Variants in TERB1 observed in about 807,000 individuals in gnomAD.
TERB1 encodes the protein telomere repeat binding bouquet formation protein 1, also known as telomere repeats-binding bouquet formation protein 1.
In TERB1, 63 loss-of-function variants were observed where a neutral mutation model predicts 92.3. The ratio of observed to expected loss-of-function variants is 0.68; its 90% CI spans 0.56 to 0.84. The LOEUF is 0.84. Among genes scored for constraint, TERB1 ranks in the 40% least tolerant of loss-of-function variants. TERB1 has a pLI of 0.00. For missense variants in TERB1, 709 were observed against 843.7 expected (o/e 0.84, Z 1.98); for synonymous variants, 252 against 283.9 (o/e 0.89, Z 1.13).
At chr16:66,797,675 C>T (rs1363298863) in intron 2 of TERB1, among the ~76,000 whole-genome samples, 1 of 143,886 alleles carries the variant, frequency 6.9e-6, no homozygotes, top group Non-Finnish European at 1.5e-5. Context: ...TTTAGATTGG[C>T]CTTTCTCTTC....
In TERB1 at chr16:66,796,818, C is replaced by G. The variant is rs933064437; in HGVS notation, c.-20G>C. On this transcript the variant is annotated 5_prime_UTR_variant, in exon 3 of 19. Coordinates refer to ENST00000433154, the MANE Select transcript of TERB1 (RefSeq NM_001136505.2). ...TTCCATGCTTGTCTATATTCTTTTT[C>G]CTTATATTTTGTCTATAAGATAAAG... 3.3e-6 allele frequency: 5 copies of G among 1,496,626 alleles called. No homozygotes were observed. Among genetic ancestry groups the G allele is most frequent in the Admixed American group, 2.0e-5 (1 of 50,536 alleles). The allele number at this position is 1,496,626 out of a possible 1,614,324, so 92.7% of individuals were successfully genotyped here.
At chr16:66,767,249 G>T (rs1341307181) in intron 16 of TERB1, among the ~76,000 whole-genome samples, 166 bp downstream of exon 16, 2 of 151,330 alleles carry the variant, frequency 1.3e-5, no homozygotes, top group Non-Finnish European at 2.9e-5. Flanking sequence ...TGAGGCACAA[G>T]AATTACTTGA....
chr16:66,782,373 A>T (rs2018651196), intron 9 of TERB1, among the ~76,000 whole-genome samples: 1 of 152,072 alleles, frequency 6.6e-6, no homozygotes, highest in South Asian at 2.1e-4. Flanking sequence ...AACATGGTGA[A>T]ACCCCATCTC....
chr16:66,776,665 G>A (rs1367404569), intron 11 of TERB1, among the ~76,000 whole-genome samples: 1 of 151,896 alleles, frequency 6.6e-6, no homozygotes, highest in Non-Finnish European at 1.5e-5. Context: ...GAGAGAATTG[G>A]TAAGAAGGAG....
intron 5 of TERB1, among the ~76,000 whole-genome samples, chr16:66,789,122 C>CTT (rs971595078): frequency 1.1e-4 from 17 of 148,014 alleles, no homozygotes; most frequent in African/African-American, 4.0e-4. Flanking sequence ...TTTAAAATAA[C>CTT]TAAAGAGTAT....
chr16:66,758,944 TTAGA>T (rs1055449021), intron 17 of TERB1, 106 bp from the exon 18 acceptor site: 5 of 940,416 alleles, frequency 5.3e-6, no homozygotes, highest in African/African-American at 3.4e-5. Flanking sequence ...GTGGGAATAC[TTAGA>T]TAGATTAGGA....
At chr16:66,791,113 G>T in intron 3 of TERB1, 94 bp from the exon 4 acceptor site, 1 of 594,226 alleles carries the variant, frequency 1.7e-6, no homozygotes, top group Non-Finnish European at 2.8e-6. Flanking sequence ...TCTTTGGAAT[G>T]GTCAACTTTT....
chr16:66,761,109 CAA>C (rs34199990), intron 16 of TERB1, among the ~76,000 whole-genome samples: 4 of 71,128 alleles, frequency 5.6e-5, no homozygotes, highest in African/African-American at 6.2e-5. Flanking sequence ...GACTCCACCT[CAA>C]AAAAAAAAAA....
intron 9 of TERB1, 25 bp from the exon 10 acceptor site, chr16:66,779,040 A>G: frequency 6.9e-7 from 1 of 1,441,018 alleles, no homozygotes; most frequent in Non-Finnish European, 9.3e-7. Flanking sequence ...TAGCAAAACT[A>G]TTAATATTTC....
intron 13 of TERB1, among the ~76,000 whole-genome samples, chr16:66,771,601 G>A (rs767161185): frequency 1.2e-4 from 18 of 149,950 alleles, no homozygotes; most frequent in African/African-American, 2.2e-4. Context: ...TGAACTGTAC[G>A]GTATGTGAAT....
chr16:66,798,182 CTTT>C (rs10653807), intron 2 of TERB1, among the ~76,000 whole-genome samples: 1 of 143,064 alleles, frequency 7.0e-6, no homozygotes, highest in African/African-American at 2.6e-5. Flanking sequence ...TTATTTTTGC[CTTT>C]TTTTTTTTTT....
rs373525708 is a variant in TERB1 at position 66,755,149 on chromosome 16, G to T, written c.2011C>A (p.Arg671Ser). ...ACTTCTTCTTCAGTAAAGTTTTTGCGAATTCTTCTTTTTTCTATAATTAGA... is the reference window on the plus strand; with the variant it reads ...ACTTCTTCTTCAGTAAAGTTTTTGCTAATTCTTCTTTTTTCTATAATTAGA... The part of the protein sequence containing the change: ...TPGGIKKRRI[R>S]KNFTEEEVNY... The change falls in exon 19 of 19, where the codon CGC (arginine) becomes AGC (serine). Residue 671 changes from arginine to serine, a missense_variant. Physicochemically the swap from Arg to Ser is moderately radical, Grantham distance 110. Coordinates refer to ENST00000433154, the MANE Select transcript of TERB1 (RefSeq NM_001136505.2). 2 of 1,530,696 alleles carry T rather than the reference G, an allele frequency of 1.3e-6. No homozygotes were observed. Among genetic ancestry groups the T allele is most frequent in the East Asian group, 4.9e-5 (2 of 40,800 alleles). The allele number at this position is 1,530,696 out of a possible 1,614,324, so 94.8% of individuals were successfully genotyped here. A position where few individuals can be genotyped will look rare whatever the true frequency, so the allele number is the denominator to read the frequency against.
chr16:66,775,318 A>G (rs1444534098), intron 11 of TERB1, 75 bp from the exon 12 acceptor site: 1 of 1,357,462 alleles, frequency 7.4e-7, no homozygotes, highest in Admixed American at 2.3e-5. Flanking sequence ...CTTCCTTGTG[A>G]TAATTATGAA....
intron 3 of TERB1, among the ~76,000 whole-genome samples, chr16:66,791,464 G>A (rs940815989): frequency 4.6e-5 from 7 of 151,858 alleles, no homozygotes; most frequent in African/African-American, 1.7e-4. Flanking sequence ...CCCAATATAG[G>A]TACAATAAAG....
rs1210584732 is a variant in TERB1 at position 66,791,035 on chromosome 16, G to T, written c.32-16C>A. The T allele has an allele frequency of 7.2e-7, 1 of 1,397,322 alleles. No homozygotes were observed. Among genetic ancestry groups the T allele is most frequent in the Non-Finnish European group, 9.7e-7 (1 of 1,025,748 alleles). The allele number at this position is 1,397,322 out of a possible 1,614,324, so 86.6% of individuals were successfully genotyped here. ...GTCTTCATTTCTAAAGAACAAAAAT[G>T]TCATTATTTTAAACCAAAAGGTTTA... is the stretch of plus-strand genomic sequence containing the variant. On this transcript the variant is annotated splice_polypyrimidine_tract_variant and intron_variant, in intron 3 of 18. Transcript: ENST00000433154.
intron 3 of TERB1, among the ~76,000 whole-genome samples, chr16:66,793,218 T>G (rs952327954): frequency 7.1e-6 from 1 of 140,760 alleles, no homozygotes; most frequent in Non-Finnish European, 1.5e-5. Context: ...TTGGTTTTTT[T>G]TTTTTTTTTT....
chr16:66,781,393 C>A (rs1361525689), intron 9 of TERB1, among the ~76,000 whole-genome samples: 1 of 152,084 alleles, frequency 6.6e-6, no homozygotes, highest in East Asian at 1.9e-4. Flanking sequence ...ATTTAATATT[C>A]ATATCTTCTT....
chr16:66,775,370 A>G (rs1008813287), intron 11 of TERB1, 127 bp from the exon 12 acceptor site: 39 of 801,386 alleles, frequency 4.9e-5, no homozygotes, highest in Non-Finnish European at 5.7e-5. Flanking sequence ...ACGGTGGCTC[A>G]CTCTTGTAAT....
chr16:66,788,912 T>G (rs1348729023), intron 5 of TERB1, among the ~76,000 whole-genome samples: 1 of 151,256 alleles, frequency 6.6e-6, no homozygotes, highest in Non-Finnish European at 1.5e-5. Flanking sequence ...ACAAACATCA[T>G]GTTCTCACTT....
Sources: allele counts gnomAD v4.1 joint callset (sites outside exome capture counted in the v4.1 genomes callset), GRCh38; gene constraint gnomAD v4.1.1; transcripts MANE v1.5; gene names NCBI Gene and HGNC (gene_info 2026-07-23, HGNC 2026-07-21).